The following LMO7 variants were observed in gnomAD, a reference collection of about 807,000 sequenced individuals.
The protein encoded by LMO7 is LIM domain 7.
A neutral mutation model predicts 206.5 loss-of-function variants in LMO7; 120 were observed. The ratio of observed to expected loss-of-function variants is 0.58; its 90% CI spans 0.50 to 0.68. The LOEUF is 0.68. LMO7 is among the 30% of genes least tolerant of loss of function. The pLI is 0.00. For synonymous variants in LMO7, 706 were observed against 681.5 expected (o/e 1.04, Z -0.56); for missense variants, 1,959 against 1,957.9 (o/e 1.00, Z -0.01).
At position 75,806,149 on chromosome 13, in the gene LMO7, G is replaced by T. The variant is rs76571877; in HGVS notation, c.1196+389G>T. On this transcript the variant is annotated intron_variant, in intron 9 of 30. Coordinates refer to ENST00000377534, the MANE Select transcript of LMO7 (RefSeq NM_001306080.2). The stretch of plus-strand genomic sequence containing the variant: ...AGCACAAAAAGCAGAGCATAGGCTA[G>T]ACGGCAACTGCCAAAGACCTTCACT... 3,112 of 1,005,330 alleles carry T rather than the reference G, an allele frequency of 3.1e-3. 49 individuals are homozygous for T. In the East Asian group the frequency reaches 0.07, roughly 23 times the overall value. 62.3% of individuals were successfully genotyped at this position (1,005,330 alleles called of 1,614,324 possible).
At chr13:75,737,713 A>C (rs997072554) in intron 3 of LMO7, among the ~76,000 whole-genome samples, 4 of 124,508 alleles carry the variant, frequency 3.2e-5, no homozygotes, top group African/African-American at 1.2e-4. Context: ...AGATCGCGCC[A>C]CTGCACTCCA....
intron 1 of LMO7, among the ~76,000 whole-genome samples, chr13:75,680,846 C>T (rs2040423010): frequency 6.6e-6 from 1 of 151,970 alleles, no homozygotes. Context: ...TCGTCATAGT[C>T]TTTACTTTTT....
intron 4 of LMO7, among the ~76,000 whole-genome samples, chr13:75,772,415 TTGAG>T (rs1175351133): frequency 1.2e-4 from 19 of 152,052 alleles, no homozygotes; most frequent in Non-Finnish European, 7.4e-5. Flanking sequence ...AATACTGCCT[TTGAG>T]TGAGTGGAGA....
intron 4 of LMO7, among the ~76,000 whole-genome samples, chr13:75,775,745 A>G (rs1594886472): frequency 1.3e-5 from 2 of 152,188 alleles, no homozygotes; most frequent in Non-Finnish European, 1.5e-5. Context: ...AATTAAAACC[A>G]CAATGAGATA....
At chr13:75,692,395 CTT>C (rs35029342) in intron 1 of LMO7, among the ~76,000 whole-genome samples, 1 of 144,734 alleles carries the variant, frequency 6.9e-6, no homozygotes, top group Non-Finnish European at 1.5e-5. Flanking sequence ...GTTTCTTTTC[CTT>C]TTTTTTTTTT....
At chr13:75,670,546 A>G (rs994008406) in intron 1 of LMO7, among the ~76,000 whole-genome samples, 1 of 152,242 alleles carries the variant, frequency 6.6e-6, no homozygotes, top group African/African-American at 2.4e-5. Flanking sequence ...TAATTGTAAC[A>G]CAATGGTATT....
intron 3 of LMO7, among the ~76,000 whole-genome samples, chr13:75,759,561 C>T (rs1045456390): frequency 6.6e-6 from 1 of 152,132 alleles, no homozygotes; most frequent in Non-Finnish European, 1.5e-5. Context: ...AGTTTCTTTA[C>T]TCTTTGACTT....
At position 75,841,669 on chromosome 13, in the gene LMO7, A is replaced by C; in HGVS notation, c.3717A>C (p.Thr1239=). 1 of 1,614,138 alleles carries C rather than the reference A, an allele frequency of 6.2e-7. No homozygotes were observed. Among genetic ancestry groups the C allele is most frequent in the South Asian group, 1.1e-5 (1 of 91,080 alleles). Residue 1239 remains threonine (T), a synonymous_variant, in exon 24 of 31, where the codon ACA becomes ACC. Transcript: ENST00000377534. ...VLSSNSMSLT[T]REPSLATWEA... ...GCTCAAACAGCATGTCTCTGACCACACGGGAGCCCTCTCTTGCCACCTGGG... is the reference window on the plus strand; with the variant it reads ...GCTCAAACAGCATGTCTCTGACCACCCGGGAGCCCTCTCTTGCCACCTGGG...
At chr13:75,766,917 C>G (rs2048975403) in intron 4 of LMO7, among the ~76,000 whole-genome samples, 1 of 152,076 alleles carries the variant, frequency 6.6e-6, no homozygotes, top group African/African-American at 2.4e-5. Context: ...CTGTCTTAAT[C>G]TTTGCCAACT....
intron 4 of LMO7, among the ~76,000 whole-genome samples, chr13:75,794,946 AC>A (rs566997522): frequency 4.1e-4 from 62 of 152,086 alleles, no homozygotes; most frequent in African/African-American, 1.4e-3. Context: ...TGAAAAAAAA[AC>A]CCCATCAGTG....
intron 11 of LMO7, among the ~76,000 whole-genome samples, chr13:75,815,095 T>G (rs2056838140): frequency 6.6e-6 from 1 of 152,032 alleles, no homozygotes. Context: ...TGAAAGGAAC[T>G]CTCTGGCTGC....
chr13:75,646,102 C>T (rs1160924411), intron 1 of LMO7, among the ~76,000 whole-genome samples: 1 of 152,164 alleles, frequency 6.6e-6, no homozygotes, highest in Non-Finnish European at 1.5e-5. Context: ...ATCTCCTCAT[C>T]TCTCCAATGT....
intron 1 of LMO7, among the ~76,000 whole-genome samples, chr13:75,679,084 GT>G (rs970728777): frequency 7.9e-5 from 12 of 152,228 alleles, no homozygotes; most frequent in South Asian, 4.1e-4. Context: ...AGAATTCATT[GT>G]TTTTTCCCCC....
intron 4 of LMO7, among the ~76,000 whole-genome samples, chr13:75,776,184 T>TCGG (rs1288644423): frequency 5.7e-5 from 5 of 88,482 alleles, no homozygotes; most frequent in East Asian, 3.4e-4. Context: ...TATATATATA[T>TCGG]ATATATATAT....
intron 13 of LMO7, 115 bp from the exon 14 acceptor site, chr13:75,821,062 G>A: frequency 1.4e-6 from 1 of 707,714 alleles, no homozygotes; most frequent in Non-Finnish European, 2.4e-6. Flanking sequence ...ATTGATTCTT[G>A]TGTGAAGTTA....
chr13:75,828,128 G>T lies in LMO7; in HGVS notation c.2949+4255G>T, dbSNP rs551676144. ...AATGGGATTTTCTTTAATTGATCCA[G>T]AAACTGCTTAGCCGGCACTTGTATT... On this transcript the variant is annotated intron_variant, in intron 15 of 30. Transcript: ENST00000377534. 4.5e-4 allele frequency among the ~76,000 whole-genome samples: 68 copies of T among 152,314 alleles called. No individual in the cohort carries two copies. The South Asian group carries it at 0.014, about 31-fold the overall frequency.
Position 75,817,228 on chromosome 13 carries a change from A to T in LMO7, c.2014A>T (p.Met672Leu). ...CTTGCGTCAGCTGCGTTACGAGGAG[A>T]TGCAGAAAATAAAATCACAATTAAA... ...QNLRQLRYEEMQKIKSQLKEQ... is the reference protein window; with the variant it reads ...QNLRQLRYEELQKIKSQLKEQ... The change falls in exon 12 of 31, where the codon ATG becomes TTG. Residue 672 changes from methionine (M) to leucine (L), a missense_variant. By Grantham distance (15) the Met-to-Leu change is conservative. Transcript: ENST00000377534. 1 of 1,613,730 alleles carries T rather than the reference A, an allele frequency of 6.2e-7. No homozygotes were observed. The highest frequency in any genetic ancestry group is 1.1e-5 in the South Asian group (1 of 91,062).
intron 1 of LMO7, among the ~76,000 whole-genome samples, chr13:75,678,465 C>T (rs368948295): frequency 4.4e-4 from 67 of 152,260 alleles, no homozygotes; most frequent in African/African-American, 1.2e-3. Flanking sequence ...TCATATCCTT[C>T]GCCCTGTCCT....
intron 4 of LMO7, among the ~76,000 whole-genome samples, chr13:75,772,943 G>T (rs905821248): frequency 6.6e-6 from 1 of 152,036 alleles, no homozygotes; most frequent in African/African-American, 2.4e-5. Context: ...TGAGCCTTCA[G>T]GTCTTGCCAG....
Sources: gnomAD v4.1 joint callset for allele counts (sites outside exome capture counted in the v4.1 genomes callset) on GRCh38, gnomAD v4.1.1 for gene constraint, MANE v1.5 for transcripts, NCBI Gene and HGNC (gene_info 2026-07-23, HGNC 2026-07-21) for gene names.